Variants in NEDD4L observed in about 807,000 individuals in gnomAD.
The protein encoded by NEDD4L is E3 ubiquitin-protein ligase NEDD4-like.
NEDD4L carries 54 observed loss-of-function variants against 148.9 expected under a neutral mutation model. The ratio of observed to expected loss-of-function variants is 0.36; its 90% CI spans 0.29 to 0.45. The LOEUF (loss-of-function observed/expected upper bound fraction) is 0.45. Among genes scored for constraint, NEDD4L ranks in the 20% least tolerant of loss-of-function variants. The probability of loss-of-function intolerance (pLI) is 1.00; values close to 1 mark genes in which losing one functional copy is unlikely to be tolerated. For synonymous variants in NEDD4L, 433 were observed against 440.7 expected (o/e 0.98, Z 0.22); for missense variants, 856 against 1,233.8 (o/e 0.69, Z 4.59).
chr18:58,283,636 G>A (rs11664614), intron 5 of NEDD4L, among the ~76,000 whole-genome samples: 3,236 of 152,294 alleles, frequency 0.021, 57 homozygotes, highest in Non-Finnish European at 0.034. Context: ...CAGGCAGTAA[G>A]TCTTGAAGCC....
At chr18:58,217,290 T>C (rs1227022182) in intron 2 of NEDD4L, among the ~76,000 whole-genome samples, 1 of 152,240 alleles carries the variant, frequency 6.6e-6, no homozygotes, top group Non-Finnish European at 1.5e-5. Context: ...TGTCATGTTA[T>C]CTTCGTTGTG....
At chr18:58,059,218 C>T (rs1246667280) in intron 1 of NEDD4L, among the ~76,000 whole-genome samples, 5 of 152,150 alleles carry the variant, frequency 3.3e-5, no homozygotes, top group Non-Finnish European at 7.3e-5. Flanking sequence ...TGTGAGCCAC[C>T]GTGCTCAGCC....
At chr18:58,168,552 G>T (rs541066762) in intron 2 of NEDD4L, among the ~76,000 whole-genome samples, 1 of 152,314 alleles carries the variant, frequency 6.6e-6, no homozygotes, top group Non-Finnish European at 1.5e-5. Flanking sequence ...TAGTCACCGG[G>T]CAGAGGTTTG....
intron 2 of NEDD4L, among the ~76,000 whole-genome samples, chr18:58,184,619 G>GT (rs940012254): frequency 3.9e-5 from 6 of 152,042 alleles, no homozygotes; most frequent in Non-Finnish European, 1.5e-5. Context: ...TGAAGTCTTG[G>GT]TTTTTGGGTT....
chr18:58,054,874 T>C (rs1338166535), intron 1 of NEDD4L: 2 of 152,162 alleles, frequency 1.3e-5, no homozygotes, highest in African/African-American at 4.8e-5. Context: ...TCTTGAGAAA[T>C]TGGTATGTGC....
chr18:58,240,175 A>AT (rs34307554), intron 2 of NEDD4L, among the ~76,000 whole-genome samples: 27,429 of 150,410 alleles, frequency 0.18, 2,767 homozygotes, highest in East Asian at 0.44. Context: ...TCACCCTTGT[A>AT]TTTTTTTTTC....
chr18:58,214,384 C>G (rs111348287), intron 2 of NEDD4L, among the ~76,000 whole-genome samples: 93 of 152,218 alleles, frequency 6.1e-4, no homozygotes, highest in African/African-American at 2.2e-3. Context: ...TAGTCTGAAT[C>G]AGAGAAAGAG....
rs1383866958 is a variant in NEDD4L, at chr18:58,341,111, G to A, written c.1199G>A (p.Arg400His). The A allele has an allele frequency of 3.7e-6, 6 of 1,611,914 alleles. No individual in the cohort carries two copies. Among genetic ancestry groups the A allele is most frequent in the African/African-American group, 1.3e-5 (1 of 75,002 alleles). Residue 400 changes from arginine (R) to histidine (H), a missense_variant, in exon 14 of 31, where the codon CGC (arginine) becomes CAC (histidine). Transcript: ENST00000400345. ...GWEERKDAKGRTYYVNHNNRT... is the reference protein window; with the variant it reads ...GWEERKDAKGHTYYVNHNNRT... ...GAAGAAAGAAAAGATGCTAAGGGGC[G>A]CACATACTATGTCAATCATAACAAT...
intron 18 of NEDD4L, chr18:58,351,273 T>A: frequency 1.4e-6 from 1 of 692,892 alleles, no homozygotes; most frequent in Non-Finnish European, 1.8e-6. Flanking sequence ...TGTGACCTAT[T>A]AACGTGTTTT....
intron 17 of NEDD4L, among the ~76,000 whole-genome samples, chr18:58,350,446 A>G (rs1201536035): frequency 6.6e-6 from 1 of 152,224 alleles, no homozygotes; most frequent in Non-Finnish European, 1.5e-5. Flanking sequence ...TGGATTCCTG[A>G]GGTTCAGATA....
intron 19 of NEDD4L, among the ~76,000 whole-genome samples, chr18:58,360,374 T>G (rs959399433): frequency 2.0e-5 from 3 of 152,236 alleles, no homozygotes; most frequent in African/African-American, 7.2e-5. Context: ...ATCTCTTAAC[T>G]TTTGTGTTTT....
At chr18:58,326,297 G>A (rs1161628758) in intron 9 of NEDD4L, among the ~76,000 whole-genome samples, 2 of 152,130 alleles carry the variant, frequency 1.3e-5, no homozygotes, top group Non-Finnish European at 2.9e-5. Context: ...TCAGCTGTTC[G>A]TGATCAGCTT....
rs988754832 is a variant in NEDD4L at position 58,398,458 on chromosome 18, CAG to C, written c.*2191_*2192del. The stretch of plus-strand genomic sequence containing the variant: ...CTTGTAAACCGTATATTGAAAAAAA[CAG>C]AATGTCACTAAATGCATATTAAGTC... On this transcript the variant is annotated 3_prime_UTR_variant, in exon 31 of 31. Transcript: ENST00000400345. 4 of 151,850 alleles carry C rather than the reference CAG, an allele frequency of 2.6e-5. No individual in the cohort carries two copies. The highest frequency in any genetic ancestry group is 9.7e-5 in the African/African-American group (4 of 41,322). The allele number at this position is 151,850 out of a possible 1,614,324, so 9.4% of individuals were successfully genotyped here.
chr18:58,228,903 C>T (rs538900165), intron 2 of NEDD4L, among the ~76,000 whole-genome samples: 1 of 152,332 alleles, frequency 6.6e-6, no homozygotes, highest in East Asian at 1.9e-4. Context: ...ATTTGAGCTT[C>T]TTTAGAGTCT....
intron 8 of NEDD4L, among the ~76,000 whole-genome samples, chr18:58,324,531 G>T (rs1345981558): frequency 1.3e-5 from 2 of 152,222 alleles, no homozygotes; most frequent in Non-Finnish European, 2.9e-5. Flanking sequence ...AGTTCTGTTA[G>T]AACACAGGTG....
chr18:58,323,084 T>C (rs1364527289), intron 7 of NEDD4L, 148 bp from the exon 8 acceptor site: 5 of 409,718 alleles, frequency 1.2e-5, no homozygotes, highest in Non-Finnish European at 2.1e-5. Context: ...TATGGGTGGG[T>C]GGGGATGCCT....
intron 5 of NEDD4L, among the ~76,000 whole-genome samples, chr18:58,269,281 A>G (rs2050686407): frequency 6.6e-6 from 1 of 152,058 alleles, no homozygotes; most frequent in Non-Finnish European, 1.5e-5. Context: ...TGGGTAAATC[A>G]TGGCTTAAAA....
chr18:58,051,446 T>C (rs1224324888), intron 1 of NEDD4L, among the ~76,000 whole-genome samples: 1 of 152,266 alleles, frequency 6.6e-6, no homozygotes, highest in Non-Finnish European at 1.5e-5. Flanking sequence ...GAGTTTCTGC[T>C]AAATTACTTT....
At chr18:58,361,849 G>T (rs568031631) in intron 19 of NEDD4L, among the ~76,000 whole-genome samples, 1 of 151,560 alleles carries the variant, frequency 6.6e-6, no homozygotes, top group East Asian at 1.9e-4. Context: ...TGACATTCGA[G>T]ATTTTCAAGT....
Sources: allele counts gnomAD v4.1 joint callset (sites outside exome capture counted in the v4.1 genomes callset), GRCh38; gene constraint gnomAD v4.1.1; transcripts MANE v1.5; gene names NCBI Gene and HGNC (gene_info 2026-07-23, HGNC 2026-07-21).